The following GALNT13 variants were observed in gnomAD, a reference collection of about 807,000 sequenced individuals.
GALNT13 encodes the protein polypeptide N-acetylgalactosaminyltransferase 13, also known as UDP-GalNAc:polypeptide N-acetylgalactosaminyltransferase 13.
GALNT13 carries 28 observed loss-of-function variants against 64.2 expected under a neutral mutation model. That is an observed-to-expected ratio of 0.44 (90% CI 0.32 to 0.60). The LOEUF (loss-of-function observed/expected upper bound fraction) is 0.60. GALNT13 is among the 20% of genes least tolerant of loss of function. The pLI, the probability that GALNT13 is intolerant of heterozygous loss-of-function variation, is 0.05. For synonymous variants in GALNT13, 214 were observed against 224.6 expected (o/e 0.95, Z 0.42); for missense variants, 577 against 669.8 (o/e 0.86, Z 1.53).
At chr2:153,432,191 A>G in the GALNT13 span, among the ~76,000 whole-genome samples, 1 of 152,208 alleles carries the variant, frequency 6.6e-6, no homozygotes, top group African/African-American at 2.4e-5. Flanking sequence ...TACAGAGGTC[A>G]ATAGTACACT....
At chr2:153,612,776 A>C in the GALNT13 span, among the ~76,000 whole-genome samples, 2 of 152,198 alleles carry the variant, frequency 1.3e-5, no homozygotes, top group African/African-American at 2.4e-5. Context: ...ATCTATTATC[A>C]AAAGAAAAAG....
At chr2:154,192,574 GCAAA>G (rs1220542079) in intron 4 of GALNT13, among the ~76,000 whole-genome samples, 4 of 152,126 alleles carry the variant, frequency 2.6e-5, no homozygotes, top group Non-Finnish European at 5.9e-5. Context: ...GTTTGTGTGT[GCAAA>G]CAAACATGGT....
intron 4 of GALNT13, among the ~76,000 whole-genome samples, chr2:154,171,968 TCATACA>T (rs1685372493): frequency 9.0e-6 from 1 of 110,932 alleles, no homozygotes; most frequent in South Asian, 3.3e-4. Context: ...TCTTTCTTTC[TCATACA>T]CACACACACA....
At chr2:153,726,026 T>G in the GALNT13 span, among the ~76,000 whole-genome samples, 1 of 152,196 alleles carries the variant, frequency 6.6e-6, no homozygotes, top group East Asian at 1.9e-4. Context: ...TGTAAGTTAT[T>G]ATTCTGTTGA....
chr2:154,224,568 G>C (rs939534822), intron 4 of GALNT13, among the ~76,000 whole-genome samples: 1 of 152,000 alleles, frequency 6.6e-6, no homozygotes, highest in East Asian at 1.9e-4. Context: ...TAATGCCATA[G>C]AGGAGCATGG....
At chr2:154,296,148 G>A (rs1236789517) in intron 8 of GALNT13, among the ~76,000 whole-genome samples, 1 of 152,102 alleles carries the variant, frequency 6.6e-6, no homozygotes, top group Non-Finnish European at 1.5e-5. Context: ...ATAGAGCCCA[G>A]AAATGACTGA....
chr2:153,892,038 C>T (rs1687587198), intron 1 of GALNT13, among the ~76,000 whole-genome samples: 1 of 151,944 alleles, frequency 6.6e-6, no homozygotes, highest in Admixed American at 6.6e-5. Context: ...CTCCAAATCC[C>T]CAAGGCAAAA....
At chr2:154,338,624 G>A (rs562024358) in intron 9 of GALNT13, among the ~76,000 whole-genome samples, 30 of 152,232 alleles carry the variant, frequency 2.0e-4, no homozygotes, top group African/African-American at 6.3e-4. Flanking sequence ...GTGGGCAAGA[G>A]CCCCTATTGT....
At chr2:154,351,566 C>T (rs1205246357) in intron 9 of GALNT13, among the ~76,000 whole-genome samples, 1 of 151,658 alleles carries the variant, frequency 6.6e-6, no homozygotes, top group Non-Finnish European at 1.5e-5. Flanking sequence ...ACCTGTAGTC[C>T]CAGCTACTCT....
chr2:153,332,287 T>C, the GALNT13 span, among the ~76,000 whole-genome samples: 1 of 152,224 alleles, frequency 6.6e-6, no homozygotes, highest in African/African-American at 2.4e-5. Flanking sequence ...AAATAAGATC[T>C]AACTTTTCAA....
In GALNT13 at chr2:154,106,842, A is replaced by C. The variant is rs951563264; in HGVS notation, c.143-33495A>C. On this transcript the variant is annotated intron_variant, in intron 3 of 12. Coordinates refer to ENST00000392825, the MANE Select transcript of GALNT13 (RefSeq NM_052917.4). ...CGTAAGTCAAGCTAGTTAACATATT[A>C]CTCTGGTTTGGATATCTCTTTCAAA... Among the ~76,000 whole-genome samples, 3 of 152,172 alleles carry C rather than the reference A, an allele frequency of 2.0e-5. No individual in the cohort carries two copies. The South Asian group carries it at 6.2e-4, about 32-fold the overall frequency.
the GALNT13 span, among the ~76,000 whole-genome samples, chr2:153,670,673 A>C: frequency 1.3e-5 from 2 of 152,246 alleles, no homozygotes; most frequent in African/African-American, 4.8e-5. Flanking sequence ...CCTCACCAGC[A>C]AAAGGATGAA....
chr2:153,482,133 C>CCAAATTCTTTCTCAGAACCTA, the GALNT13 span, among the ~76,000 whole-genome samples: 3 of 152,258 alleles, frequency 2.0e-5, no homozygotes, highest in African/African-American at 7.2e-5. Context: ...TTATCCCTCC[C>CCAAATTCTTTCTCAGAACCTA]CAAATTCTTT....
chr2:154,083,876 A>G (rs12693913), intron 3 of GALNT13, among the ~76,000 whole-genome samples: 54,460 of 151,686 alleles, frequency 0.36, 10,169 homozygotes, highest in Non-Finnish European at 0.41. Context: ...CTTTAGTAAT[A>G]AGAGTAGTTT....
chr2:153,735,048 A>G, the GALNT13 span, among the ~76,000 whole-genome samples: 1 of 152,130 alleles, frequency 6.6e-6, no homozygotes, highest in Non-Finnish European at 1.5e-5. Context: ...CCACTGCTTG[A>G]TATTACCTAG....
the GALNT13 span, among the ~76,000 whole-genome samples, chr2:153,361,858 C>T: frequency 6.6e-6 from 1 of 152,048 alleles, no homozygotes; most frequent in African/African-American, 2.4e-5. Flanking sequence ...TATTCAAGTT[C>T]AGGAAATACA....
chr2:154,449,942 T>C (rs960999622), intron 12 of GALNT13, among the ~76,000 whole-genome samples: 4 of 152,050 alleles, frequency 2.6e-5, no homozygotes, highest in Non-Finnish European at 5.9e-5. Context: ...ACAGATACTA[T>C]AGCTTGTTTA....
the GALNT13 span, among the ~76,000 whole-genome samples, chr2:153,696,799 A>G: frequency 6.6e-6 from 1 of 152,186 alleles, no homozygotes; most frequent in African/African-American, 2.4e-5. Flanking sequence ...AGTAGCCTAC[A>G]TAGGGAACTA....
the GALNT13 span, among the ~76,000 whole-genome samples, chr2:153,739,564 T>TTTA: frequency 7.1e-6 from 1 of 141,350 alleles, no homozygotes; most frequent in African/African-American, 2.6e-5. Flanking sequence ...TTATTTATTA[T>TTTA]TTTATTTATT....
Sources: allele counts gnomAD v4.1 joint callset (sites outside exome capture counted in the v4.1 genomes callset), GRCh38; gene constraint gnomAD v4.1.1; transcripts MANE v1.5; gene names NCBI Gene and HGNC (gene_info 2026-07-23, HGNC 2026-07-21).